Variants in COX7A1 observed in about 807,000 individuals in gnomAD.
COX7A1 encodes the protein cytochrome c oxidase subunit 7A1, mitochondrial.
Under a neutral mutation model 13.2 loss-of-function variants are expected in COX7A1, and 21 were observed. That is an observed-to-expected ratio of 1.59 (90% CI 1.13 to 2.29). COX7A1 has a LOEUF of 2.29. Ranked by LOEUF, COX7A1 falls within the 30% of genes most tolerant of loss-of-function variation. The pLI is 0.00. For synonymous variants in COX7A1, 41 were observed against 41.9 expected (o/e 0.98, Z 0.08); for missense variants, 107 against 100.0 (o/e 1.07, Z -0.30).
At chr19:36,151,381 C>G in intron 3 of COX7A1, 81 bp downstream of exon 3, 1 of 1,487,046 alleles carries the variant, frequency 6.7e-7, no homozygotes, top group South Asian at 1.2e-5. Context: ...AGATCCTGGT[C>G]AGTCCTGCCC....
Position 36,151,669 on chromosome 19 carries a change from CT to C in COX7A1, c.101del (p.Gln34ArgfsTer10). 6.3e-7 allele frequency: 1 copy of C among 1,591,930 alleles called. No homozygotes were observed. Among genetic ancestry groups the C allele is most frequent in the Non-Finnish European group, 8.6e-7 (1 of 1,168,898 alleles). On this transcript the variant is annotated frameshift_variant and splice_region_variant, in exon 2 of 4. Coordinates refer to ENST00000292907, the MANE Select transcript of COX7A1 (RefSeq NM_001864.4). LOFTEE classifies it high-confidence loss of function. ...ATCCCCACCCCCCCCGACCCCCCAC[CT>C]GGAAGAGCTTCTGTTTCTCGCGCAC... ...NRVREKQKLF[Q>X]EDNDIPLYLK...
chr19:36,152,056 C>T (rs1974782307), intron 1 of COX7A1: 1 of 601,828 alleles, frequency 1.7e-6, no homozygotes, highest in Non-Finnish European at 3.0e-6. Flanking sequence ...GGAGGGTTTC[C>T]TGGATTAAAG....
intron 1 of COX7A1, 148 bp from the exon 2 acceptor site, chr19:36,151,903 C>T: frequency 1.3e-6 from 1 of 794,752 alleles, no homozygotes; most frequent in Non-Finnish European, 2.2e-6. Context: ...GATTCTGTTA[C>T]CCGCGAACTG....
intron 2 of COX7A1, 24 bp downstream of exon 2, chr19:36,151,645 T>TCG: frequency 2.2e-5 from 30 of 1,387,578 alleles, no homozygotes; most frequent in Non-Finnish European, 3.0e-5. Flanking sequence ...GCGCGTCGGA[T>TCG]CCCCACCCCC....
intron 1 of COX7A1, 113 bp from the exon 2 acceptor site, chr19:36,151,868 C>T: frequency 1.0e-6 from 1 of 960,686 alleles, no homozygotes; most frequent in South Asian, 1.4e-5. Flanking sequence ...GCGAGCGTCC[C>T]AAAGGCGAGG....
In COX7A1 at chr19:36,151,660, A is replaced by ACCCCCCCCCCCC; in HGVS notation, c.102+8_102+9insGGGGGGGGGGGG. On this transcript the variant is annotated intron_variant, in intron 2 of 3. Coordinates refer to ENST00000292907, the MANE Select transcript of COX7A1 (RefSeq NM_001864.4). The stretch of plus-strand genomic sequence containing the variant: ...GCGCGTCGGATCCCCACCCCCCCCG[A>ACCCCCCCCCCCC]CCCCCCACCTGGAAGAGCTTCTGTT... The ACCCCCCCCCCCC allele has an allele frequency of 1.8e-6, 2 of 1,114,610 alleles. No homozygotes were observed. Among genetic ancestry groups the ACCCCCCCCCCCC allele is most frequent in the African/African-American group, 1.6e-5 (1 of 63,616 alleles). The allele number at this position is 1,114,610 out of a possible 1,614,324, so 69.0% of individuals were successfully genotyped here.
chr19:36,151,388 G>T, intron 3 of COX7A1, 74 bp downstream of exon 3: 3 of 1,536,804 alleles, frequency 2.0e-6, no homozygotes, highest in Admixed American at 1.7e-5. Flanking sequence ...GGTCAGTCCT[G>T]CCCAGAAACC....
chr19:36,151,645 T>TGCCCCCCGCCCC, intron 2 of COX7A1, 24 bp downstream of exon 2: 1 of 1,387,628 alleles, frequency 7.2e-7, no homozygotes, highest in Non-Finnish European at 9.9e-7. Flanking sequence ...GCGCGTCGGA[T>TGCCCCCCGCCCC]CCCCACCCCC....
chr19:36,151,645 T>TGCCCCCCCCCCCCCCCCCCCCCC, intron 2 of COX7A1, 24 bp downstream of exon 2: 1 of 1,387,628 alleles, frequency 7.2e-7, no homozygotes, highest in Non-Finnish European at 9.9e-7. Flanking sequence ...GCGCGTCGGA[T>TGCCCCCCCCCCCCCCCCCCCCCC]CCCCACCCCC....
intron 2 of COX7A1, 55 bp downstream of exon 2, chr19:36,151,614 G>A (rs1974770360): frequency 3.7e-6 from 6 of 1,609,910 alleles, no homozygotes; most frequent in Non-Finnish European, 3.4e-6. Flanking sequence ...CGCCTGCCCC[G>A]GCTCGGCGCG....
chr19:36,151,370 C>G, intron 3 of COX7A1, 92 bp downstream of exon 3: 1 of 1,420,382 alleles, frequency 7.0e-7, no homozygotes, highest in African/African-American at 1.4e-5. Context: ...ACCCCCAACC[C>G]AGATCCTGGT....
chr19:36,151,645 T>TGCG, intron 2 of COX7A1, 24 bp downstream of exon 2: 1 of 1,387,630 alleles, frequency 7.2e-7, no homozygotes. Context: ...GCGCGTCGGA[T>TGCG]CCCCACCCCC....
chr19:36,151,645 TCCCC>T lies in COX7A1; in HGVS notation c.102+20_102+23del. The T allele has an allele frequency of 3.4e-5, 47 of 1,387,456 alleles. No homozygotes were observed. Among genetic ancestry groups the T allele is most frequent in the Non-Finnish European group, 4.2e-5 (42 of 1,011,096 alleles). The allele number at this position is 1,387,456 out of a possible 1,614,324, so 85.9% of individuals were successfully genotyped here. A position where few individuals can be genotyped will look rare whatever the true frequency, so the allele number is the denominator to read the frequency against. Reference sequence around the variant, plus strand: ...GCGCGCTCCCGGCTGGCGCGTCGGATCCCCACCCCCCCCGACCCCCCACCTGGAA... The same window carrying T: ...GCGCGCTCCCGGCTGGCGCGTCGGATACCCCCCCCGACCCCCCACCTGGAA... On this transcript the variant is annotated intron_variant, in intron 2 of 3. Transcript: ENST00000292907.
At chr19:36,152,302 A>C (rs993862732) in intron 1 of COX7A1, 91 bp downstream of exon 1, 2 of 991,500 alleles carry the variant, frequency 2.0e-6, no homozygotes, top group Non-Finnish European at 2.7e-6. Flanking sequence ...CTCACGTTCC[A>C]AGGCCCTAGA....
chr19:36,151,422 GC>G (rs1974765828), intron 3 of COX7A1, 39 bp downstream of exon 3: 1 of 1,609,232 alleles, frequency 6.2e-7, no homozygotes, highest in Non-Finnish European at 8.5e-7. Flanking sequence ...TCTGGGTCCA[GC>G]CCCGCCTCCC....
Position 36,151,656 on chromosome 19 carries a change from C to CCTG in COX7A1, c.102+12_102+13insCAG. On this transcript the variant is annotated intron_variant, in intron 2 of 3. Transcript: ENST00000292907. Reference sequence around the variant, plus strand: ...GCTGGCGCGTCGGATCCCCACCCCCCCCGACCCCCCACCTGGAAGAGCTTC... The same window carrying CCTG: ...GCTGGCGCGTCGGATCCCCACCCCCCCTGCCGACCCCCCACCTGGAAGAGCTTC... 1 of 1,451,482 alleles carries CCTG rather than the reference C, an allele frequency of 6.9e-7. No individual in the cohort carries two copies. The highest frequency in any genetic ancestry group is 9.3e-7 in the Non-Finnish European group (1 of 1,077,604). The allele number at this position is 1,451,482 out of a possible 1,614,324, so 89.9% of individuals were successfully genotyped here. A position where few individuals can be genotyped will look rare whatever the true frequency, so the allele number is the denominator to read the frequency against.
rs1208841260 is a variant in COX7A1, at chr19:36,151,006, G to A, written c.216C>T (p.Gly72=). 1 of 1,614,046 alleles carries A rather than the reference G, an allele frequency of 6.2e-7. No individual in the cohort carries two copies. Among genetic ancestry groups the A allele is most frequent in the South Asian group, 1.1e-5 (1 of 91,082 alleles). ...GGTVYSLYSL[G]WASFPRN is the part of the protein sequence containing the mutation. ...CTTAATTCCTGGGGAAGGAGGCCCAGCCAAGGGAGTACAAGCTGTAGACAG... is the reference window on the plus strand; with the variant it reads ...CTTAATTCCTGGGGAAGGAGGCCCAACCAAGGGAGTACAAGCTGTAGACAG... The change falls in exon 4 of 4, where the codon GGC becomes GGT. Residue 72 remains glycine (G), a synonymous_variant. Transcript: ENST00000292907.
chr19:36,151,645 T>TGCCCCCCG, intron 2 of COX7A1, 24 bp downstream of exon 2: 3 of 1,387,626 alleles, frequency 2.2e-6, no homozygotes, highest in Non-Finnish European at 3.0e-6. Context: ...GCGCGTCGGA[T>TGCCCCCCG]CCCCACCCCC....
chr19:36,151,691 C>A lies in COX7A1; in HGVS notation c.80G>T (p.Arg27Leu), dbSNP rs747380164. Residue 27 changes from arginine to leucine, a missense_variant, in exon 2 of 4, where the codon CGC (arginine) becomes CTC (leucine). Transcript: ENST00000292907. ...TARNRFQNRV[R>L]EKQKLFQEDN... ...CACCTGGAAGAGCTTCTGTTTCTCG[C>A]GCACTCGGTTCTGAAAGCGGTTCCG... The A allele has an allele frequency of 7.7e-6, 11 of 1,436,720 alleles. No individual in the cohort carries two copies. Among genetic ancestry groups the A allele is most frequent in the South Asian group, 1.1e-5 (1 of 88,162 alleles). 89.0% of individuals were successfully genotyped at this position (1,436,720 alleles called of 1,614,324 possible). A position where few individuals can be genotyped will look rare whatever the true frequency, so the allele number is the denominator to read the frequency against.
Sources: gnomAD v4.1 joint callset for allele counts on GRCh38, gnomAD v4.1.1 for gene constraint, MANE v1.5 for transcripts, NCBI Gene and HGNC (gene_info 2026-07-23, HGNC 2026-07-21) for gene names.